Variants in SEMA4F observed in about 807,000 individuals in gnomAD.
The protein encoded by SEMA4F is semaphorin-4F.
Under a neutral mutation model 78.4 loss-of-function variants are expected in SEMA4F, and 51 were observed. That is an observed-to-expected ratio of 0.65 (90% CI 0.52 to 0.82). The LOEUF (loss-of-function observed/expected upper bound fraction) is 0.82, where lower values mean the gene tolerates loss of function less well. SEMA4F is among the 40% of genes least tolerant of loss of function. SEMA4F has a pLI of 0.00. For synonymous variants in SEMA4F, 418 were observed against 408.7 expected (o/e 1.02, Z -0.27); for missense variants, 938 against 1,014.4 (o/e 0.92, Z 1.02).
At chr2:74,696,507 T>A in the SEMA4F span, among the ~76,000 whole-genome samples, 1 of 152,144 alleles carries the variant, frequency 6.6e-6, no homozygotes, top group Non-Finnish European at 1.5e-5. Context: ...CCTGCCTCTC[T>A]TATTAATTTC....
At chr2:74,701,540 C>T in the SEMA4F span, among the ~76,000 whole-genome samples, 2 of 152,194 alleles carry the variant, frequency 1.3e-5, no homozygotes, top group Non-Finnish European at 1.5e-5. Flanking sequence ...CAGTACTTTT[C>T]AGATACCCCA....
chr2:74,657,013 A>G (rs1259558966), intron 2 of SEMA4F, among the ~76,000 whole-genome samples: 1 of 152,124 alleles, frequency 6.6e-6, no homozygotes, highest in African/African-American at 2.4e-5. Flanking sequence ...TTTTTTGACC[A>G]TTATTAGAAC....
At chr2:74,704,463 G>A in the SEMA4F span, among the ~76,000 whole-genome samples, 3 of 151,362 alleles carry the variant, frequency 2.0e-5, no homozygotes, top group Non-Finnish European at 2.9e-5. Context: ...GTTGATGCAC[G>A]TCTCTCAGGC....
intron 5 of SEMA4F, among the ~76,000 whole-genome samples, chr2:74,669,406 A>T (rs1684861038): frequency 6.6e-6 from 1 of 152,070 alleles, no homozygotes. Context: ...CTACACAGTG[A>T]AACCCTGTCT....
At chr2:74,675,707 G>T (rs768750983) in intron 11 of SEMA4F, 42 bp from the exon 12 acceptor site, 1 of 1,613,544 alleles carries the variant, frequency 6.2e-7, no homozygotes, top group East Asian at 2.2e-5. Context: ...CCTGAGGTCT[G>T]GGAGATCCAG....
At chr2:74,670,946 C>T (rs1288862499) in intron 5 of SEMA4F, among the ~76,000 whole-genome samples, 184 of 151,996 alleles carry the variant, frequency 1.2e-3, no homozygotes, top group Non-Finnish European at 7.4e-5. Flanking sequence ...GGAGCTATAA[C>T]TAACATGAAT....
At chr2:74,686,124 G>C (rs888579469), downstream of SEMA4F, among the ~76,000 whole-genome samples, 14 of 151,012 alleles carry the variant, frequency 9.3e-5, no homozygotes, top group Non-Finnish European at 1.9e-4. Flanking sequence ...TTTTGAGACA[G>C]AGTCTTGCTG....
chr2:74,665,308 C>T (rs1263030379), intron 5 of SEMA4F, among the ~76,000 whole-genome samples: 1 of 149,688 alleles, frequency 6.7e-6, no homozygotes, highest in East Asian at 2.0e-4. Context: ...CCACTCACTG[C>T]GAACTGCACC....
At chr2:74,672,873 C>T (rs939403357) in intron 5 of SEMA4F, among the ~76,000 whole-genome samples, 3 of 152,176 alleles carry the variant, frequency 2.0e-5, no homozygotes, top group Non-Finnish European at 4.4e-5. Flanking sequence ...ACTCTGATTG[C>T]TTCTTCAAAA....
At chr2:74,679,010 C>T (rs951789510) in intron 12 of SEMA4F, among the ~76,000 whole-genome samples, 3 of 152,190 alleles carry the variant, frequency 2.0e-5, no homozygotes, top group African/African-American at 7.2e-5. Context: ...CCCCACTAAA[C>T]ATCTTTACAA....
intron 5 of SEMA4F, among the ~76,000 whole-genome samples, chr2:74,671,991 C>T (rs940300991): frequency 6.6e-5 from 10 of 152,226 alleles, no homozygotes; most frequent in African/African-American, 2.4e-4. Flanking sequence ...GCCTTTCACT[C>T]TTGCCTGGAC....
At chr2:74,687,273 G>A (rs1685844007), downstream of SEMA4F, among the ~76,000 whole-genome samples, 1 of 152,204 alleles carries the variant, frequency 6.6e-6, no homozygotes, top group Admixed American at 6.5e-5. Context: ...CTTCTGGTCA[G>A]TCAGGCTTTA....
chr2:74,666,341 A>G (rs993683001), intron 5 of SEMA4F, among the ~76,000 whole-genome samples: 3 of 152,234 alleles, frequency 2.0e-5, no homozygotes, highest in Non-Finnish European at 4.4e-5. Flanking sequence ...TGAAGCGAGC[A>G]CAAGAATACA....
the SEMA4F span, among the ~76,000 whole-genome samples, chr2:74,700,675 G>T: frequency 2.0e-5 from 3 of 152,222 alleles, no homozygotes; most frequent in African/African-American, 7.2e-5. Context: ...GAGGCACAGA[G>T]AGGGTAAGTA....
chr2:74,702,431 T>A, the SEMA4F span, among the ~76,000 whole-genome samples: 2 of 152,186 alleles, frequency 1.3e-5, no homozygotes, highest in African/African-American at 4.8e-5. Context: ...GACATTGTTG[T>A]TTTACTTTCT....
intron 7 of SEMA4F, 89 bp from the exon 8 acceptor site, chr2:74,674,409 A>G: frequency 8.1e-7 from 1 of 1,228,976 alleles, no homozygotes; most frequent in Non-Finnish European, 1.1e-6. Context: ...GTCTGCCCTG[A>G]AGTCAGGGAG....
chr2:74,677,198 A>G (rs943952111), intron 12 of SEMA4F, among the ~76,000 whole-genome samples: 2 of 152,188 alleles, frequency 1.3e-5, no homozygotes, highest in Non-Finnish European at 2.9e-5. Flanking sequence ...CACTGCGCCC[A>G]GCCCAGGACT....
chr2:74,689,312 A>T, the SEMA4F span, among the ~76,000 whole-genome samples: 2 of 152,294 alleles, frequency 1.3e-5, no homozygotes, highest in South Asian at 4.1e-4. Context: ...TTTTCTGTCT[A>T]TGGAACCAGA....
chr2:74,696,801 C>G, the SEMA4F span, among the ~76,000 whole-genome samples: 2 of 152,122 alleles, frequency 1.3e-5, no homozygotes, highest in Non-Finnish European at 2.9e-5. Context: ...AACAATATAT[C>G]AAGGAGATCC....
Sources: allele counts gnomAD v4.1 joint callset (sites outside exome capture counted in the v4.1 genomes callset), GRCh38; gene constraint gnomAD v4.1.1; transcripts MANE v1.5; gene names NCBI Gene and HGNC (gene_info 2026-07-23, HGNC 2026-07-21).